EIF2B3: variants seen among roughly 807,000 people sequenced by gnomAD.
EIF2B3 encodes the protein eukaryotic translation initiation factor 2B subunit gamma.
In EIF2B3, 20 loss-of-function variants were observed where a neutral mutation model predicts 54.1. The observed-to-expected ratio is 0.37, with a 90% CI of 0.26 to 0.54. The LOEUF (loss-of-function observed/expected upper bound fraction) is 0.54. Among genes scored for constraint, EIF2B3 ranks in the 20% least tolerant of loss-of-function variants. The pLI is 0.86. For missense variants in EIF2B3, 448 were observed against 547.8 expected (o/e 0.82, Z 1.82); for synonymous variants, 153 against 188.1 (o/e 0.81, Z 1.52).
chr1:44,855,331 A>G (rs1557657138), intron 11 of EIF2B3, among the ~76,000 whole-genome samples: 1 of 152,148 alleles, frequency 6.6e-6, no homozygotes, highest in Non-Finnish European at 1.5e-5. Context: ...GTGTTAATTA[A>G]AGCCAGAAAG....
At chr1:44,926,482 C>G (rs1193253700) in intron 5 of EIF2B3, 146 bp downstream of exon 5, 4 of 666,274 alleles carry the variant, frequency 6.0e-6, no homozygotes, top group Non-Finnish European at 1.0e-5. Context: ...AAGCCTTCAT[C>G]CTGTCTCATG....
chr1:44,862,446 A>ATGT (rs2148895379), intron 10 of EIF2B3, among the ~76,000 whole-genome samples: 1 of 152,228 alleles, frequency 6.6e-6, no homozygotes, highest in African/African-American at 2.4e-5. Flanking sequence ...ACACTATACT[A>ATGT]TGTTGTGGCA....
chr1:44,942,835 ATTTATT>A (rs1288080121), intron 3 of EIF2B3, among the ~76,000 whole-genome samples: 3 of 151,692 alleles, frequency 2.0e-5, no homozygotes, highest in African/African-American at 7.3e-5. Context: ...TGCAAACATT[ATTTATT>A]TTATTTTATT....
chr1:44,960,377 C>T (rs1407144729), intron 3 of EIF2B3, among the ~76,000 whole-genome samples: 1 of 152,130 alleles, frequency 6.6e-6, no homozygotes, highest in African/African-American at 2.4e-5. Context: ...TGGTGGCTCA[C>T]ATCTGTAATC....
At chr1:44,885,945 C>A (rs1272412463) in intron 6 of EIF2B3, among the ~76,000 whole-genome samples, 1 of 144,552 alleles carries the variant, frequency 6.9e-6, no homozygotes, top group Non-Finnish European at 1.5e-5. Context: ...TGGGGTTTCA[C>A]CATGTTGGTC....
chr1:44,891,108 A>T (rs548871282), intron 6 of EIF2B3, among the ~76,000 whole-genome samples: 87 of 152,148 alleles, frequency 5.7e-4, no homozygotes, highest in Non-Finnish European at 1.2e-3. Context: ...AAATTTTTAA[A>T]TTTTTTTAAA....
intron 5 of EIF2B3, among the ~76,000 whole-genome samples, chr1:44,917,434 G>A (rs546944018): frequency 2.3e-4 from 35 of 150,842 alleles, no homozygotes; most frequent in African/African-American, 8.3e-4. Flanking sequence ...CAGAGGTTGC[G>A]GTGAGCCGAG....
intron 3 of EIF2B3, 139 bp downstream of exon 3, chr1:44,978,176 A>G (rs1644472058): frequency 1.1e-6 from 1 of 932,714 alleles, no homozygotes; most frequent in African/African-American, 1.7e-5. Context: ...GGTTGCAGTG[A>G]ATTGAGATCA....
intron 3 of EIF2B3, among the ~76,000 whole-genome samples, chr1:44,973,818 G>T (rs143647640): frequency 6.6e-6 from 1 of 152,302 alleles, no homozygotes; most frequent in Non-Finnish European, 1.5e-5. Flanking sequence ...GGAGGAGGGG[G>T]ATGTTAGTAT....
Position 44,960,564 on chromosome 1 carries a change from G to A in EIF2B3, c.294+17751C>T, listed in dbSNP as rs186904656. ...TGAGGCAGGAGAATGGCGTGAACCC[G>A]GGGGCGGAGCTTGCAGTGAGCCGAG... On this transcript the variant is annotated intron_variant, in intron 3 of 11. Coordinates refer to ENST00000360403, the MANE Select transcript of EIF2B3 (RefSeq NM_020365.5). 3.7e-4 allele frequency among the ~76,000 whole-genome samples: 57 copies of A among 152,078 alleles called. 1 individual carries two copies. The highest frequency in any genetic ancestry group is 1.9e-3 in the South Asian group (9 of 4,806).
intron 8 of EIF2B3, among the ~76,000 whole-genome samples, chr1:44,877,216 A>T (rs1230935620): frequency 6.7e-6 from 1 of 149,526 alleles, no homozygotes; most frequent in African/African-American, 2.5e-5. Flanking sequence ...AAAAAAAAAA[A>T]AAAAAACACC....
intron 5 of EIF2B3, among the ~76,000 whole-genome samples, chr1:44,917,984 A>G (rs942174583): frequency 2.9e-4 from 43 of 149,804 alleles, no homozygotes; most frequent in African/African-American, 1.1e-3. Context: ...CGTGTTAGCC[A>G]GGATGGTCTC....
At chr1:44,945,408 G>A (rs1644088831) in intron 3 of EIF2B3, among the ~76,000 whole-genome samples, 1 of 151,972 alleles carries the variant, frequency 6.6e-6, no homozygotes, top group African/African-American at 2.4e-5. Context: ...CAAAAAATCA[G>A]CAGGGCGTGG....
chr1:44,910,426 A>G (rs939952179), intron 5 of EIF2B3, among the ~76,000 whole-genome samples: 1 of 152,182 alleles, frequency 6.6e-6, no homozygotes, highest in Admixed American at 6.6e-5. Flanking sequence ...CAAGTCAGAA[A>G]TGCAACAATC....
At chr1:44,933,067 G>T (rs1205174209) in intron 4 of EIF2B3, among the ~76,000 whole-genome samples, 1 of 152,130 alleles carries the variant, frequency 6.6e-6, no homozygotes, top group Non-Finnish European at 1.5e-5. Flanking sequence ...GTACCTTGAA[G>T]AATTTGAAAT....
chr1:44,856,528 TAAAAAAA>T (rs150728949), intron 11 of EIF2B3, among the ~76,000 whole-genome samples: 4 of 102,386 alleles, frequency 3.9e-5, no homozygotes, highest in Admixed American at 2.9e-4. Context: ...AAATTAAAAT[TAAAAAAA>T]AAAAAAAAAA....
At chr1:44,922,661 C>T (rs1455526728) in intron 5 of EIF2B3, among the ~76,000 whole-genome samples, 2 of 149,170 alleles carry the variant, frequency 1.3e-5, no homozygotes, top group Non-Finnish European at 3.0e-5. Flanking sequence ...CTGATTTTTT[C>T]AATCCATGAA....
intron 10 of EIF2B3, chr1:44,874,402 G>A: frequency 2.3e-6 from 1 of 435,286 alleles, no homozygotes; most frequent in East Asian, 4.2e-5. Context: ...TCTTATCTCT[G>A]TTCACTGTTA....
intron 5 of EIF2B3, among the ~76,000 whole-genome samples, chr1:44,909,928 C>T (rs926282828): frequency 1.3e-5 from 2 of 152,178 alleles, no homozygotes; most frequent in Non-Finnish European, 2.9e-5. Context: ...CAGATCTGGC[C>T]ATGATCTTTG....
Sources: allele counts gnomAD v4.1 joint callset (sites outside exome capture counted in the v4.1 genomes callset), GRCh38; gene constraint gnomAD v4.1.1; transcripts MANE v1.5; gene names NCBI Gene and HGNC (gene_info 2026-07-23, HGNC 2026-07-21).